Variants in RBFOX3 observed in about 807,000 individuals in gnomAD.
The protein encoded by RBFOX3 is RNA binding protein fox-1 homolog 3.
RBFOX3 carries 17 observed loss-of-function variants against 48.7 expected under a neutral mutation model. The observed-to-expected ratio is 0.35, with a 90% CI of 0.24 to 0.52. The LOEUF (loss-of-function observed/expected upper bound fraction) is 0.52, where lower values mean the gene tolerates loss of function less well. RBFOX3 is among the 20% of genes least tolerant of loss of function. The pLI, the probability that RBFOX3 is intolerant of heterozygous loss-of-function variation, is 0.94. For missense variants in RBFOX3, 382 were observed against 497.5 expected (o/e 0.77, Z 2.21); for synonymous variants, 212 against 209.5 (o/e 1.01, Z -0.10).
intron 2 of RBFOX3, among the ~76,000 whole-genome samples, chr17:79,328,811 T>G (rs900849536): frequency 7.2e-5 from 11 of 152,212 alleles, no homozygotes; most frequent in African/African-American, 2.7e-4. Context: ...TAAAATTAAA[T>G]TCTTGGCTTG....
intron 4 of RBFOX3, among the ~76,000 whole-genome samples, chr17:79,131,875 C>T (rs887321417): frequency 6.6e-6 from 1 of 152,214 alleles, no homozygotes; most frequent in African/African-American, 2.4e-5. Context: ...CCTCCCTGCT[C>T]AGGTCAGCAC....
chr17:79,183,026 C>A (rs2052473568), intron 4 of RBFOX3, among the ~76,000 whole-genome samples: 1 of 150,436 alleles, frequency 6.6e-6, no homozygotes, highest in African/African-American at 2.4e-5. Flanking sequence ...TTGCGAGCGA[C>A]GCCCCAAACT....
chr17:79,219,829 G>T (rs751056616), intron 4 of RBFOX3, among the ~76,000 whole-genome samples: 1 of 151,752 alleles, frequency 6.6e-6, no homozygotes. Flanking sequence ...AGGGGAGCTT[G>T]TGGGGCTGGG....
intron 1 of RBFOX3, among the ~76,000 whole-genome samples, chr17:79,594,354 G>T (rs1402112885): frequency 6.6e-6 from 1 of 152,174 alleles, no homozygotes; most frequent in African/African-American, 2.4e-5. Flanking sequence ...AGAAGTGGAA[G>T]ACACAGCCCT....
At position 79,435,341 on chromosome 17, in the gene RBFOX3, G is replaced by A. The variant is rs114760619; in HGVS notation, c.-175+47113C>T. 7.5e-3 allele frequency among the ~76,000 whole-genome samples: 1,142 copies of A among 152,302 alleles called. 19 individuals carry two copies. Among genetic ancestry groups the A allele is most frequent in the African/African-American group, 0.026 (1,083 of 41,556 alleles). ...AAAGGTACCTGCTTATGCTTTAAAG[G>A]GGGGAGAAGGAAGAAAGCTCATGCC... On this transcript the variant is annotated intron_variant, in intron 2 of 14. Transcript: ENST00000693108.
intron 2 of RBFOX3, among the ~76,000 whole-genome samples, chr17:79,468,426 T>C (rs1388065954): frequency 6.6e-6 from 1 of 151,266 alleles, no homozygotes; most frequent in Non-Finnish European, 1.5e-5. Flanking sequence ...GACAGATACA[T>C]AGATGGATGA....
the RBFOX3 span, among the ~76,000 whole-genome samples, chr17:79,654,594 G>T: frequency 2.0e-5 from 3 of 152,208 alleles, no homozygotes; most frequent in Non-Finnish European, 4.4e-5. Context: ...AAGCCCCTCG[G>T]TGTAAGGGAA....
chr17:79,590,216 G>A (rs1204811785), intron 1 of RBFOX3, among the ~76,000 whole-genome samples: 1 of 152,182 alleles, frequency 6.6e-6, no homozygotes, highest in Non-Finnish European at 1.5e-5. Flanking sequence ...GGCCCTGATA[G>A]GGGACAGACA....
At position 79,212,192 on chromosome 17, in the gene RBFOX3, C is replaced by G. The variant is rs572098291; in HGVS notation, c.-34+23574G>C. Among the ~76,000 whole-genome samples, 1 of 152,222 alleles carries G rather than the reference C, an allele frequency of 6.6e-6. No individual in the cohort carries two copies. The highest frequency in any genetic ancestry group is 1.5e-5 in the Non-Finnish European group (1 of 68,030). ...AGGGAGAAGGGCTGGGGTCTCTGGACTCTTCTCCAGGAAAACCTTCAAACT... is the reference window on the plus strand; with the variant it reads ...AGGGAGAAGGGCTGGGGTCTCTGGAGTCTTCTCCAGGAAAACCTTCAAACT... On this transcript the variant is annotated intron_variant, in intron 4 of 14. Transcript: ENST00000693108. This position sits in a 1 kb window ranked among gnomAD's most constrained non-coding sequence, Gnocchi z 4.7.
Position 79,198,728 on chromosome 17 carries a change from C to T in RBFOX3, c.-34+37038G>A, listed in dbSNP as rs144416916. Among the ~76,000 whole-genome samples the T allele has an allele frequency of 7.0e-3, 1,059 of 152,056 alleles. 15 individuals are homozygous for T. The highest frequency in any genetic ancestry group is 0.024 in the African/African-American group (991 of 41,482). On this transcript the variant is annotated intron_variant, in intron 4 of 14. Transcript: ENST00000693108. This position sits in a 1 kb window ranked among gnomAD's most constrained non-coding sequence, Gnocchi z 8.2. ...GCAACCTCCACCTTCCGGGTTCAAG[C>T]GATTCTCCTGCCTCAGCCTCCCAAG...
the RBFOX3 span, among the ~76,000 whole-genome samples, chr17:79,620,004 T>TGCACATGCACACACACAC: frequency 1.7e-4 from 24 of 142,780 alleles, no homozygotes; most frequent in African/African-American, 5.7e-4. Context: ...TGCACACACA[T>TGCACATGCACACACACAC]GCACATGCAC....
chr17:79,151,030 C>T (rs766183297), intron 4 of RBFOX3, among the ~76,000 whole-genome samples: 3 of 152,234 alleles, frequency 2.0e-5, no homozygotes, highest in Non-Finnish European at 4.4e-5. Context: ...CCTCCCCAGT[C>T]CACGCTCCGC....
chr17:79,300,242 G>T (rs2075097283), intron 3 of RBFOX3, among the ~76,000 whole-genome samples: 2 of 152,226 alleles, frequency 1.3e-5, no homozygotes, highest in South Asian at 4.2e-4. Context: ...AGCCTCCGGA[G>T]CCACGAGAGA....
intron 4 of RBFOX3, among the ~76,000 whole-genome samples, chr17:79,231,579 A>G (rs1365912579): frequency 1.3e-5 from 2 of 152,222 alleles, no homozygotes; most frequent in Non-Finnish European, 2.9e-5. Context: ...TACTAGAACT[A>G]GTAAATAGAT....
At chr17:79,112,632 C>G (rs1250410145) in intron 5 of RBFOX3, among the ~76,000 whole-genome samples, 11 of 152,048 alleles carry the variant, frequency 7.2e-5, no homozygotes, top group Admixed American at 7.2e-4. Context: ...TGTGGGCCCC[C>G]GGGCCTGGAC....
At chr17:79,321,750 G>A (rs1412726479) in intron 2 of RBFOX3, among the ~76,000 whole-genome samples, 1 of 141,556 alleles carries the variant, frequency 7.1e-6, no homozygotes. Flanking sequence ...GTGTCACCCA[G>A]GCTGGAGTGC....
chr17:79,107,054 G>T (rs2146677395), intron 5 of RBFOX3, among the ~76,000 whole-genome samples: 1 of 152,326 alleles, frequency 6.6e-6, no homozygotes, highest in South Asian at 2.1e-4. Flanking sequence ...CCATCCCAGT[G>T]CAAGGCCTCC....
At chr17:79,409,128 C>G (rs988425072) in intron 2 of RBFOX3, among the ~76,000 whole-genome samples, 1 of 152,242 alleles carries the variant, frequency 6.6e-6, no homozygotes, top group African/African-American at 2.4e-5. Flanking sequence ...ACCCCTTCTG[C>G]TGAGCACACT....
chr17:79,602,019 A>G (rs1363746336), intron 1 of RBFOX3: 1 of 152,244 alleles, frequency 6.6e-6, no homozygotes, highest in East Asian at 1.9e-4. Context: ...GGATGCCGAT[A>G]GAGTTAAAAG....
Sources: gnomAD v4.1 joint callset for allele counts (sites outside exome capture counted in the v4.1 genomes callset) on GRCh38, gnomAD v4.1.1 for gene constraint, Gnocchi (gnomAD v3.1) non-coding constraint, MANE v1.5 for transcripts, NCBI Gene and HGNC (gene_info 2026-07-23, HGNC 2026-07-21) for gene names.